The following DMD variants were observed in gnomAD, a reference collection of about 807,000 sequenced individuals.
DMD encodes the protein mutant dystrophin.
In DMD, 63 loss-of-function variants were observed where a neutral mutation model predicts 330.1. The observed-to-expected ratio is 0.19, with a 90% CI of 0.16 to 0.24. DMD has a LOEUF of 0.24. Ranked by LOEUF, DMD falls within the 10% of genes least tolerant of loss-of-function variation. The pLI, the probability that DMD is intolerant of heterozygous loss-of-function variation, is 1.00. For synonymous variants in DMD, 1,223 were observed against 959.8 expected, an observed-to-expected ratio of 1.27 and a Z score of -5.07; for missense variants, 3,344 against 2,684.1, an observed-to-expected ratio of 1.25 and a Z score of -5.43.
intron 44 of DMD, among the ~76,000 whole-genome samples, chrX:32,192,122 A>C (rs916460990): frequency 8.9e-6 from 1 of 112,022 alleles, no homozygotes; most frequent in Non-Finnish European, 1.9e-5. Flanking sequence ...AAAATTGCAC[A>C]GGTATTCTTA....
chrX:32,889,736 C>G (rs906862596), intron 2 of DMD, among the ~76,000 whole-genome samples: 2 of 110,987 alleles, frequency 1.8e-5, no homozygotes, highest in East Asian at 5.7e-4. Context: ...CTAACTCCAC[C>G]GCCTATCCCA....
chrX:31,877,511 G>T (rs746010246), intron 47 of DMD, among the ~76,000 whole-genome samples: 2 of 112,103 alleles, frequency 1.8e-5, no homozygotes, highest in Non-Finnish European at 3.8e-5. Flanking sequence ...CTCATTCCTG[G>T]CAGCCTTTCC....
chrX:31,973,112 A>G (rs769118946), intron 44 of DMD, among the ~76,000 whole-genome samples: 4 of 110,945 alleles, frequency 3.6e-5, no homozygotes, highest in African/African-American at 9.8e-5. Context: ...TACTCAAGGC[A>G]TATGCTAAGC....
chrX:33,217,334 G>T (rs1051434031), intron 1 of DMD, among the ~76,000 whole-genome samples: 3 of 111,540 alleles, frequency 2.7e-5, no homozygotes, highest in African/African-American at 9.7e-5. Flanking sequence ...CTGATGTTTT[G>T]ATAGGAATTG....
rs756009135 is a variant in DMD, at chrX:31,493,328, G to A, written c.8547+3460C>T. Among the ~76,000 whole-genome samples the A allele has an allele frequency of 6.2e-5, 7 of 112,261 alleles. No individual in the cohort carries two copies. In the South Asian group the frequency reaches 2.6e-3, roughly 42 times the overall value. ...ACACATGTACGTGATGACAAACAACGCTATGTTATAGAAAAGTAGACAATT... is the reference window on the plus strand; with the variant it reads ...ACACATGTACGTGATGACAAACAACACTATGTTATAGAAAAGTAGACAATT... On this transcript the variant is annotated intron_variant, in intron 57 of 78. Transcript: ENST00000357033.
intron 9 of DMD, among the ~76,000 whole-genome samples, chrX:32,690,713 A>G (rs996960598): frequency 3.6e-5 from 4 of 111,814 alleles, no homozygotes; most frequent in Admixed American, 2.9e-4. Context: ...CTGATGTTCC[A>G]CGATAGAGCC....
chrX:32,645,381 A>G (rs1882821396), intron 9 of DMD, among the ~76,000 whole-genome samples: 1 of 112,283 alleles, frequency 8.9e-6, no homozygotes, highest in African/African-American at 3.2e-5. Flanking sequence ...ATATTGTATT[A>G]AAGCTCTTCT....
intron 7 of DMD, among the ~76,000 whole-genome samples, chrX:32,701,245 C>T (rs945211353): frequency 2.7e-5 from 3 of 111,530 alleles, no homozygotes; most frequent in African/African-American, 9.7e-5. Flanking sequence ...CATCATCTCC[C>T]GTTTTATTGT....
At chrX:31,629,065 G>T (rs1288131142) in intron 54 of DMD, among the ~76,000 whole-genome samples, 1 of 109,949 alleles carries the variant, frequency 9.1e-6, no homozygotes, top group East Asian at 2.9e-4. Context: ...GGTAAACTTT[G>T]TCTGCAATGA....
intron 76 of DMD, among the ~76,000 whole-genome samples, chrX:31,143,200 G>A (rs1463816395): frequency 1.8e-5 from 2 of 111,504 alleles, no homozygotes; most frequent in Admixed American, 9.4e-5. Context: ...ATCTCATGTT[G>A]AATTGTAATC....
chrX:32,345,953 T>G lies in DMD; in HGVS notation c.5576A>C (p.Asn1859Thr). 1 of 1,209,116 alleles carries G rather than the reference T, an allele frequency of 8.3e-7. No homozygotes were observed. The highest frequency in any genetic ancestry group is 1.8e-5 in the South Asian group (1 of 56,922). ...IKQQLLQTKH[N>T]ALKDLRSQRR... Reference sequence around the variant, plus strand: ...TTTTAGCTCTAATACCTTGAGAGCATTATGTTTTGTCTGTAACAGCTGCTG... The same window carrying G: ...TTTTAGCTCTAATACCTTGAGAGCAGTATGTTTTGTCTGTAACAGCTGCTG... The change falls in exon 39 of 79, where the codon AAT (asparagine) becomes ACT (threonine). Residue 1859 changes from asparagine to threonine, a missense_variant. Physicochemically the swap from Asn to Thr is moderately conservative, Grantham distance 65. Coordinates refer to ENST00000357033, the MANE Select transcript of DMD (RefSeq NM_004006.3).
chrX:33,075,077 C>T (rs1031465084), intron 1 of DMD, among the ~76,000 whole-genome samples: 16 of 111,886 alleles, frequency 1.4e-4, no homozygotes, highest in Admixed American at 9.5e-4. Flanking sequence ...GGTCACAAGA[C>T]ACGCGACTTC....
At chrX:32,696,039 G>C (rs1603116671) in intron 9 of DMD, among the ~76,000 whole-genome samples, 1 of 112,259 alleles carries the variant, frequency 8.9e-6, no homozygotes, top group Non-Finnish European at 1.9e-5. Context: ...AGAGTGATGT[G>C]TCTGGGGAGT....
chrX:33,300,131 A>C (rs2053641017), intron 1 of DMD, among the ~76,000 whole-genome samples: 1 of 112,397 alleles, frequency 8.9e-6, no homozygotes, highest in Non-Finnish European at 1.9e-5. Context: ...AACGACTTTA[A>C]AGTGAAGATG....
intron 43 of DMD, among the ~76,000 whole-genome samples, chrX:32,235,799 A>G (rs180805545): frequency 2.0e-3 from 218 of 111,508 alleles, no homozygotes; most frequent in African/African-American, 6.2e-3. Flanking sequence ...ACTTAATGAA[A>G]TCGCCCTTAA....
chrX:33,107,335 A>C (rs756327444), intron 1 of DMD, among the ~76,000 whole-genome samples: 75 of 98,738 alleles, frequency 7.6e-4, no homozygotes, highest in African/African-American at 2.3e-3. Flanking sequence ...AACACACACA[A>C]AAAAAACAGC....
intron 7 of DMD, among the ~76,000 whole-genome samples, chrX:32,757,142 A>C (rs2068959021): frequency 1.8e-5 from 2 of 111,736 alleles, no homozygotes; most frequent in Admixed American, 9.5e-5. Context: ...CAATCAAGCC[A>C]ATTGATATAT....
At chrX:32,093,959 G>A (rs1453516170) in intron 44 of DMD, among the ~76,000 whole-genome samples, 1 of 110,454 alleles carries the variant, frequency 9.1e-6, no homozygotes, top group Non-Finnish European at 1.9e-5. Context: ...AGATATCAAT[G>A]AGGTTACGGA....
intron 7 of DMD, among the ~76,000 whole-genome samples, chrX:32,733,640 G>C (rs2068022765): frequency 9.0e-6 from 1 of 111,485 alleles, no homozygotes; most frequent in South Asian, 3.7e-4. Context: ...CATGGAAACT[G>C]AACAACCTCC....
Sources: allele counts gnomAD v4.1 joint callset (sites outside exome capture counted in the v4.1 genomes callset), GRCh38; gene constraint gnomAD v4.1.1; transcripts MANE v1.5; gene names NCBI Gene and HGNC (gene_info 2026-07-23, HGNC 2026-07-21).